XPR1: variants seen among roughly 807,000 people sequenced by gnomAD.
XPR1 encodes the protein solute carrier family 53 member 1.
In XPR1, 28 loss-of-function variants were observed where a neutral mutation model predicts 87.5. That is an observed-to-expected ratio of 0.32 (90% CI 0.24 to 0.44). The LOEUF is 0.44. Ranked by LOEUF, XPR1 falls within the 20% of genes least tolerant of loss-of-function variation. The probability of loss-of-function intolerance (pLI) is 1.00; values close to 1 mark genes in which losing one functional copy is unlikely to be tolerated. For synonymous variants in XPR1, 300 were observed against 306.1 expected (o/e 0.98, Z 0.21); for missense variants, 559 against 862.3 (o/e 0.65, Z 4.41).
chr1:180,726,307 AGCGCAACC>A (rs1310042739), intron 2 of XPR1, among the ~76,000 whole-genome samples: 4 of 152,252 alleles, frequency 2.6e-5, no homozygotes, highest in African/African-American at 9.6e-5. Flanking sequence ...CCCAGCCAGC[AGCGCAACC>A]TGCTTGGGTC....
chr1:180,861,076 A>T (rs1003496818), intron 11 of XPR1, among the ~76,000 whole-genome samples: 2 of 152,002 alleles, frequency 1.3e-5, no homozygotes, highest in Non-Finnish European at 2.9e-5. Context: ...CTGTAATAAG[A>T]CTCCATATCA....
intron 1 of XPR1, among the ~76,000 whole-genome samples, chr1:180,638,788 A>G (rs1255110334): frequency 6.6e-6 from 1 of 152,210 alleles, no homozygotes; most frequent in Non-Finnish European, 1.5e-5. Flanking sequence ...TGGAACATGG[A>G]TATAAATTTG....
At chr1:180,847,010 T>C (rs1423400855) in intron 11 of XPR1, among the ~76,000 whole-genome samples, 1 of 152,194 alleles carries the variant, frequency 6.6e-6, no homozygotes, top group Non-Finnish European at 1.5e-5. Flanking sequence ...TTCTGAATAA[T>C]ACCCCAGAAC....
chr1:180,843,143 G>T (rs1338462827), intron 11 of XPR1, among the ~76,000 whole-genome samples: 1 of 152,068 alleles, frequency 6.6e-6, no homozygotes, highest in Non-Finnish European at 1.5e-5. Flanking sequence ...TTCCTCCCTG[G>T]GGTATGACCA....
intron 1 of XPR1, among the ~76,000 whole-genome samples, chr1:180,666,837 G>A (rs1655976820): frequency 6.6e-6 from 1 of 151,752 alleles, no homozygotes; most frequent in Non-Finnish European, 1.5e-5. Context: ...TAATTGCCCT[G>A]GCTAGAACTT....
intron 9 of XPR1, among the ~76,000 whole-genome samples, chr1:180,834,343 G>T (rs1651196039): frequency 6.6e-6 from 1 of 152,168 alleles, no homozygotes; most frequent in Admixed American, 6.5e-5. Flanking sequence ...CTCCCAAAGT[G>T]CTGGGATTAC....
At chr1:180,714,827 T>C (rs1189704267) in intron 2 of XPR1, among the ~76,000 whole-genome samples, 1 of 152,160 alleles carries the variant, frequency 6.6e-6, no homozygotes, top group Non-Finnish European at 1.5e-5. Context: ...GTTGCGACCC[T>C]TTTCTGTTGT....
At chr1:180,664,465 G>A (rs550893303) in intron 1 of XPR1, among the ~76,000 whole-genome samples, 14 of 152,246 alleles carry the variant, frequency 9.2e-5, no homozygotes, top group Admixed American at 5.2e-4. Flanking sequence ...GGGGGGCCTC[G>A]TGACACTGCC....
intron 2 of XPR1, among the ~76,000 whole-genome samples, chr1:180,711,428 A>G (rs1657787980): frequency 1.3e-5 from 2 of 152,242 alleles, no homozygotes; most frequent in South Asian, 4.1e-4. Context: ...CCTGGCCAAC[A>G]CAGCGAAACC....
intron 2 of XPR1, among the ~76,000 whole-genome samples, chr1:180,765,483 A>T (rs759621430): frequency 2.6e-5 from 4 of 152,188 alleles, no homozygotes; most frequent in East Asian, 1.9e-4. Context: ...GTCAAGTTCC[A>T]TCTACAACTA....
intron 1 of XPR1, among the ~76,000 whole-genome samples, chr1:180,656,640 ATATTAT>A (rs780935141): frequency 1.9e-5 from 2 of 103,108 alleles, no homozygotes; most frequent in Non-Finnish European, 3.6e-5. Context: ...TATGTATAAT[ATATTAT>A]TATATATAAT....
intron 2 of XPR1, among the ~76,000 whole-genome samples, chr1:180,765,661 T>G (rs1648256802): frequency 6.6e-6 from 1 of 152,254 alleles, no homozygotes; most frequent in Admixed American, 6.5e-5. Context: ...TCTGGATTAC[T>G]TATCATACCT....
intron 2 of XPR1, among the ~76,000 whole-genome samples, chr1:180,739,298 T>C (rs1658843330): frequency 6.6e-6 from 1 of 152,248 alleles, no homozygotes; most frequent in Admixed American, 6.5e-5. Flanking sequence ...CTTAAAATTG[T>C]CTAGGGTGAT....
At chr1:180,861,124 C>T (rs1652206425) in intron 11 of XPR1, among the ~76,000 whole-genome samples, 1 of 152,084 alleles carries the variant, frequency 6.6e-6, no homozygotes, top group Admixed American at 6.6e-5. Flanking sequence ...TTGTTATCTC[C>T]TACTAAATGT....
chr1:180,678,243 C>T (rs866162706), intron 1 of XPR1, among the ~76,000 whole-genome samples: 2 of 152,178 alleles, frequency 1.3e-5, no homozygotes, highest in East Asian at 3.8e-4. Context: ...TGATTAAATC[C>T]TATTCTATTA....
chr1:180,693,362 A>C (rs1657054609), intron 2 of XPR1, among the ~76,000 whole-genome samples: 1 of 152,234 alleles, frequency 6.6e-6, no homozygotes, highest in Admixed American at 6.5e-5. Context: ...GTTTTCCAGT[A>C]TTAGGTATCA....
rs61811228 is a variant in XPR1 at position 180,865,238 on chromosome 1, C to G, written c.1668+1364C>G. ...AATGTGAGAAATTAGAATATATGAC[C>G]AAGATATTAGACATATTTTTATAAA... On this transcript the variant is annotated intron_variant, in intron 12 of 14. Coordinates refer to ENST00000367590, the MANE Select transcript of XPR1 (RefSeq NM_004736.4). 7.7e-3 allele frequency among the ~76,000 whole-genome samples: 1,175 copies of G among 151,876 alleles called. 9 individuals are homozygous for G. Among genetic ancestry groups the G allele is most frequent in the Middle Eastern group, 0.017 (5 of 294 alleles).
intron 3 of XPR1, among the ~76,000 whole-genome samples, chr1:180,789,392 A>C (rs1347234071): frequency 6.6e-6 from 1 of 152,038 alleles, no homozygotes; most frequent in African/African-American, 2.4e-5. Flanking sequence ...CATCACCCAG[A>C]ATTCCTCTCC....
chr1:180,696,165 GGTGTGTGTGT>G (rs59249501), intron 2 of XPR1, among the ~76,000 whole-genome samples: 2,271 of 102,930 alleles, frequency 0.022, 31 homozygotes, highest in Middle Eastern at 0.12. Context: ...TTTATTCCTG[GGTGTGTGTGT>G]GTGTGTGTGT....
Sources: gnomAD v4.1 joint callset for allele counts (sites outside exome capture counted in the v4.1 genomes callset) on GRCh38, gnomAD v4.1.1 for gene constraint, MANE v1.5 for transcripts, NCBI Gene and HGNC (gene_info 2026-07-23, HGNC 2026-07-21) for gene names.